FOXRED2: variants seen among roughly 807,000 people sequenced by gnomAD.
FOXRED2 encodes the protein FAD dependent oxidoreductase domain containing 2, also known as FAD-dependent oxidoreductase domain-containing protein 2.
Under a neutral mutation model 52.5 loss-of-function variants are expected in FOXRED2, and 32 were observed. The observed-to-expected ratio is 0.61, with a 90% CI of 0.46 to 0.82. The LOEUF (loss-of-function observed/expected upper bound fraction) is 0.82, where lower values mean the gene tolerates loss of function less well. Among genes scored for constraint, FOXRED2 ranks in the 40% least tolerant of loss-of-function variants. The pLI is 0.00. For synonymous variants in FOXRED2, 405 were observed against 398.1 expected, an observed-to-expected ratio of 1.02 and a Z score of -0.21; for missense variants, 848 against 937.5, an observed-to-expected ratio of 0.90 and a Z score of 1.25.
rs555593716 is a variant in FOXRED2 at position 36,493,680 on chromosome 22, C to T, written c.1748G>A (p.Arg583His). The change falls in exon 8 of 9, where the codon CGC becomes CAC. Residue 583 changes from arginine to histidine, a missense_variant. Arg to His is a conservative substitution (Grantham distance 29). Transcript: ENST00000397224. The stretch of plus-strand genomic sequence containing the variant: ...GGTGTCCAAACAGTTCTCCAGGAAG[C>T]GCCTCAGAGGTAGGATGTGCCCGAT... The part of the protein sequence containing the change: ...APIGHILPLR[R>H]FLENCLDTDL... 6.8e-6 allele frequency: 11 copies of T among 1,614,154 alleles called. No individual in the cohort carries two copies. Among genetic ancestry groups the T allele is most frequent in the East Asian group, 2.2e-5 (1 of 44,886 alleles).
intron 8 of FOXRED2, among the ~76,000 whole-genome samples, chr22:36,491,382 A>G (rs982901882): frequency 1.3e-5 from 2 of 152,090 alleles, no homozygotes; most frequent in African/African-American, 4.8e-5. Flanking sequence ...AGGTGACTGC[A>G]TCACAGGAGT....
intron 4 of FOXRED2, among the ~76,000 whole-genome samples, chr22:36,502,795 C>T (rs1444281287): frequency 6.6e-5 from 10 of 152,088 alleles, no homozygotes; most frequent in Non-Finnish European, 1.5e-4. Flanking sequence ...CAGGTTCAGG[C>T]GATTCTCTTG....
chr22:36,506,641 G>A (rs764235787), intron 1 of FOXRED2: 2 of 472,810 alleles, frequency 4.2e-6, no homozygotes, highest in Admixed American at 3.8e-5. Flanking sequence ...TCTCCCTCAG[G>A]GTCTCCTTCC....
intron 6 of FOXRED2, 54 bp downstream of exon 6, chr22:36,497,937 C>G: frequency 6.4e-7 from 1 of 1,568,080 alleles, no homozygotes; most frequent in Non-Finnish European, 8.7e-7. Flanking sequence ...AAGCGCTATG[C>G]AGCACGTCGG....
chr22:36,491,624 T>TG (rs1285279692), intron 8 of FOXRED2, among the ~76,000 whole-genome samples: 1 of 152,074 alleles, frequency 6.6e-6, no homozygotes, highest in Non-Finnish European at 1.5e-5. Flanking sequence ...TGGCTTGTCT[T>TG]GAACTCCTGA....
At chr22:36,493,999 A>C (rs1187544903) in intron 7 of FOXRED2, among the ~76,000 whole-genome samples, 196 bp from the exon 8 acceptor site, 1 of 152,250 alleles carries the variant, frequency 6.6e-6, no homozygotes, top group African/African-American at 2.4e-5. Context: ...GGCTGCCATG[A>C]GGAAGAGGAA....
intron 3 of FOXRED2, 57 bp downstream of exon 3, chr22:36,504,458 G>A (rs1458910032): frequency 3.1e-6 from 5 of 1,608,984 alleles, no homozygotes; most frequent in Non-Finnish European, 4.2e-6. Flanking sequence ...GGTTGGGGAG[G>A]CTCTTTCCAC....
chr22:36,495,918 G>T (rs1933882748), intron 7 of FOXRED2, 49 bp downstream of exon 7: 1 of 1,597,934 alleles, frequency 6.3e-7, no homozygotes, highest in African/African-American at 1.3e-5. Context: ...CTTGCAGACG[G>T]TGAGGTCTGA....
chr22:36,504,652 C>G lies in FOXRED2; in HGVS notation c.642G>C (p.Gln214His). ...TCCCACGACCCAGGATCAGCACATTCTGGCCTACAAAGTCCTCAGGGTCCA... is the reference window on the plus strand; with the variant it reads ...TCCCACGACCCAGGATCAGCACATTGTGGCCTACAAAGTCCTCAGGGTCCA... ...VSVDPEDFVG[Q>H]NVLILGRGNS... The change falls in exon 3 of 9, where the codon CAG becomes CAC. Residue 214 changes from glutamine to histidine, a missense_variant. Coordinates refer to ENST00000397224, the MANE Select transcript of FOXRED2 (RefSeq NM_001102371.2). 1 of 1,614,204 alleles carries G rather than the reference C, an allele frequency of 6.2e-7. No homozygotes were observed. Among genetic ancestry groups the G allele is most frequent in the African/African-American group, 1.3e-5 (1 of 75,064 alleles).
At position 36,504,672 on chromosome 22, in the gene FOXRED2, G is replaced by C; in HGVS notation, c.622C>G (p.Pro208Ala). The C allele has an allele frequency of 6.2e-7, 1 of 1,614,142 alleles. No homozygotes were observed. The highest frequency in any genetic ancestry group is 1.3e-5 in the African/African-American group (1 of 75,042). The change falls in exon 3 of 9, where the codon CCT (proline) becomes GCT (alanine). Residue 208 changes from proline (P) to alanine (A), a missense_variant. Transcript: ENST00000397224. ...ACATTCTGGCCTACAAAGTCCTCAG[G>C]GTCCACGGACACGGACTCGTAACCC... is the stretch of plus-strand genomic sequence containing the variant. ...AEGYESVSVD[P>A]EDFVGQNVLI... is the part of the protein sequence containing the mutation.
At chr22:36,493,319 G>A (rs1394368832) in intron 8 of FOXRED2, among the ~76,000 whole-genome samples, 2 of 152,064 alleles carry the variant, frequency 1.3e-5, no homozygotes, top group African/African-American at 4.8e-5. Flanking sequence ...TGTGCCTGTA[G>A]TCCCAGCTTC....
intron 4 of FOXRED2, 60 bp from the exon 5 acceptor site, chr22:36,501,467 T>C (rs1934045853): frequency 1.9e-6 from 3 of 1,551,116 alleles, no homozygotes; most frequent in Non-Finnish European, 2.6e-6. Context: ...CTTATTTATT[T>C]AGTTAGTTTT....
chr22:36,506,378 C>T lies in FOXRED2; in HGVS notation c.45G>A (p.Leu15=). 1 of 1,445,910 alleles carries T rather than the reference C, an allele frequency of 6.9e-7. No homozygotes were observed. The highest frequency in any genetic ancestry group is 9.1e-7 in the Non-Finnish European group (1 of 1,104,488). The allele number at this position is 1,445,910 out of a possible 1,614,324, so 89.6% of individuals were successfully genotyped here. ...CTGGGTGCAGGGCGATGGCCAGGAG[C>T]AGCCCCGGGGGACCCCACAACGGGG... ...AAAPLWGPPG[L]LLAIALHPAL... The change falls in exon 2 of 9, where the codon CTG becomes CTA. Residue 15 remains leucine (L), a synonymous_variant. Coordinates refer to ENST00000397224, the MANE Select transcript of FOXRED2 (RefSeq NM_001102371.2).
rs757702452 is a variant in FOXRED2 at position 36,504,666 on chromosome 22, C to T, written c.628G>A (p.Asp210Asn). Residue 210 changes from aspartate to asparagine, a missense_variant, in exon 3 of 9, where the codon GAC (aspartate) becomes AAC (asparagine). Coordinates refer to ENST00000397224, the MANE Select transcript of FOXRED2 (RefSeq NM_001102371.2). ...GYESVSVDPE[D>N]FVGQNVLILG... ...ATCAGCACATTCTGGCCTACAAAGT[C>T]CTCAGGGTCCACGGACACGGACTCG... 1.9e-6 allele frequency: 3 copies of T among 1,614,058 alleles called. No homozygotes were observed. In the Admixed American group the frequency reaches 5.0e-5, roughly 27 times the overall value.
chr22:36,503,391 C>T (rs78299306), intron 4 of FOXRED2, among the ~76,000 whole-genome samples: 2,092 of 149,796 alleles, frequency 0.014, 48 homozygotes, highest in African/African-American at 0.049. Flanking sequence ...CTCACTGCAA[C>T]TTCTGCTTCC....
At chr22:36,504,891 G>A in intron 2 of FOXRED2, 125 bp from the exon 3 acceptor site, 1 of 948,280 alleles carries the variant, frequency 1.1e-6, no homozygotes, top group Non-Finnish European at 1.6e-6. Flanking sequence ...AAAGAAAATA[G>A]GACATTCATT....
Position 36,498,777 on chromosome 22 carries a change from C to A in FOXRED2, c.1217-621G>T, listed in dbSNP as rs145152224. On this transcript the variant is annotated intron_variant, in intron 5 of 8. Coordinates refer to ENST00000397224, the MANE Select transcript of FOXRED2 (RefSeq NM_001102371.2). ...CCAGGCTGGAGTGCAGTGGTGCGAT[C>A]TCGGCTCACCGCGACCTCCGCCTCC... Among the ~76,000 whole-genome samples, 1,220 of 152,088 alleles carry A rather than the reference C, an allele frequency of 8.0e-3. 13 individuals carry two copies. Among genetic ancestry groups the A allele is most frequent in the African/African-American group, 0.028 (1,167 of 41,476 alleles).
rs1603491813 is a variant in FOXRED2, at chr22:36,489,926, T to G, written c.*82A>C. 8 of 1,368,302 alleles carry G rather than the reference T, an allele frequency of 5.8e-6. No individual in the cohort carries two copies. Among genetic ancestry groups the G allele is most frequent in the Non-Finnish European group, 7.8e-6 (8 of 1,019,168 alleles). 84.8% of individuals were successfully genotyped at this position (1,368,302 alleles called of 1,614,324 possible). The stretch of plus-strand genomic sequence containing the variant: ...TGGCAATCACGCATTGGCGGGAGTG[T>G]GAGGTTGCGGGGAAAGAGGGACTGA... On this transcript the variant is annotated 3_prime_UTR_variant, in exon 9 of 9. Transcript: ENST00000397224.
chr22:36,502,594 C>T (rs1001313432), intron 4 of FOXRED2, among the ~76,000 whole-genome samples: 4 of 152,096 alleles, frequency 2.6e-5, no homozygotes, highest in Admixed American at 6.6e-5. Context: ...GATCCTCCTG[C>T]CTCAGCCTCC....
Sources: gnomAD v4.1 joint callset for allele counts (sites outside exome capture counted in the v4.1 genomes callset) on GRCh38, gnomAD v4.1.1 for gene constraint, MANE v1.5 for transcripts, NCBI Gene and HGNC (gene_info 2026-07-23, HGNC 2026-07-21) for gene names.